The following PI4KA variants were observed in gnomAD, a reference collection of about 807,000 sequenced individuals.
The protein encoded by PI4KA is phosphatidylinositol 4-kinase alpha.
Under a neutral mutation model 271.4 loss-of-function variants are expected in PI4KA, and 122 were observed. The ratio of observed to expected loss-of-function variants is 0.45; its 90% CI spans 0.39 to 0.52. PI4KA has a LOEUF of 0.52. Among genes scored for constraint, PI4KA ranks in the 20% least tolerant of loss-of-function variants. PI4KA has a pLI of 0.00. For synonymous variants in PI4KA, 1,041 were observed against 1,078.8 expected (o/e 0.96, Z 0.69); for missense variants, 1,969 against 2,769.1 (o/e 0.71, Z 6.48).
chr22:20,846,084 C>A (rs1213247286), intron 1 of PI4KA, among the ~76,000 whole-genome samples: 2 of 151,488 alleles, frequency 1.3e-5, no homozygotes, highest in East Asian at 3.9e-4. Flanking sequence ...ACAGTGAAAC[C>A]CTGCCTCTAC....
rs1173716804 is a variant in PI4KA, at chr22:20,733,094, G to A, written c.4165C>T (p.Pro1389Ser). 3 of 1,611,982 alleles carry A rather than the reference G, an allele frequency of 1.9e-6. No individual in the cohort carries two copies. The highest frequency in any genetic ancestry group is 2.2e-5 in the East Asian group (1 of 44,884). ...TCTCCTTGAGTAGGGAACTTTGGGG[G>A]ACAGCTTCAAACAACCATAAGAGGA... ...YSTAFDYFSC[P>S]PKFPTQGEKR... is the part of the protein sequence containing the mutation. The change falls in exon 36 of 55, where the codon CCC becomes TCC. Residue 1389 changes from proline (P) to serine (S), a missense_variant. Physicochemically the swap from Pro to Ser is moderately conservative, Grantham distance 74. This residue lies in a region of PI4KA where 72 missense variants were observed against 103.1 expected (regional missense o/e 0.70). Coordinates refer to ENST00000255882, the MANE Select transcript of PI4KA (RefSeq NM_058004.4).
At position 20,740,161 on chromosome 22, in the gene PI4KA, G is replaced by C. The variant is rs1413576369; in HGVS notation, c.3741+2067C>G. On this transcript the variant is annotated intron_variant, in intron 32 of 54. Coordinates refer to ENST00000255882, the MANE Select transcript of PI4KA (RefSeq NM_058004.4). ...AAATTAAATATTTATTTTTTGTTTT[G>C]TTTTCTAGACCTGAGAATTGTATCT... Among the ~76,000 whole-genome samples, 3 of 132,016 alleles carry C rather than the reference G, an allele frequency of 2.3e-5. No individual in the cohort carries two copies. The South Asian group carries it at 7.8e-4, about 34-fold the overall frequency. 86.6% of individuals were successfully genotyped at this position (132,016 alleles called of 152,430 possible). A position where few individuals can be genotyped will look rare whatever the true frequency, so the allele number is the denominator to read the frequency against.
chr22:20,746,310 C>T (rs1055720181), intron 29 of PI4KA, among the ~76,000 whole-genome samples: 1 of 152,036 alleles, frequency 6.6e-6, no homozygotes, highest in Non-Finnish European at 1.5e-5. Flanking sequence ...GATCCGCCCG[C>T]CTTGGCCTCC....
intron 19 of PI4KA, among the ~76,000 whole-genome samples, chr22:20,776,370 G>T (rs190115554): frequency 6.6e-6 from 1 of 152,102 alleles, no homozygotes; most frequent in Admixed American, 6.5e-5. Flanking sequence ...CTGTTTTCCC[G>T]TGTGTAAACT....
rs535341796 is a variant in PI4KA, at chr22:20,820,013, G to C, written c.530-113C>G. On this transcript the variant is annotated intron_variant, in intron 5 of 54. Coordinates refer to ENST00000255882, the MANE Select transcript of PI4KA (RefSeq NM_058004.4). The stretch of plus-strand genomic sequence containing the variant: ...TTTCACAACCCACCCACTAATAACT[G>C]TGAAGGTTCACAATAAGCCACAATA... The C allele has an allele frequency of 5.3e-6, 5 of 950,358 alleles. No homozygotes were observed. In the Admixed American group the frequency reaches 1.1e-4, roughly 21 times the overall value. 58.9% of individuals were successfully genotyped at this position (950,358 alleles called of 1,614,324 possible).
chr22:20,855,110 C>T (rs2147836275), intron 1 of PI4KA, among the ~76,000 whole-genome samples: 1 of 150,646 alleles, frequency 6.6e-6, no homozygotes, highest in Admixed American at 6.6e-5. Flanking sequence ...CGAGATCATG[C>T]CACTGCACTC....
intron 3 of PI4KA, among the ~76,000 whole-genome samples, chr22:20,828,201 A>C (rs754181090): frequency 1.3e-5 from 2 of 152,146 alleles, no homozygotes; most frequent in Admixed American, 6.6e-5. Flanking sequence ...TTGTACATTG[A>C]TTTTGTATCC....
rs1432530451 is a variant in PI4KA at position 20,811,619 on chromosome 22, A to AAAC, written c.1006-588_1006-587insGTT. Among the ~76,000 whole-genome samples, 6 of 152,060 alleles carry AAAC rather than the reference A, an allele frequency of 3.9e-5. No homozygotes were observed. In the East Asian group the frequency reaches 1.2e-3, roughly 29 times the overall value. On this transcript the variant is annotated intron_variant, in intron 8 of 54. Transcript: ENST00000255882. ...AACTGCAGAACCACAAAAAAAAAAAAAAAACTGCCCACATCCACAATTGTA... is the reference window on the plus strand; with the variant it reads ...AACTGCAGAACCACAAAAAAAAAAAAAACAAAACTGCCCACATCCACAATTGTA...
At chr22:20,802,173 C>A in intron 13 of PI4KA, 68 bp from the exon 14 acceptor site, 2 of 1,431,372 alleles carry the variant, frequency 1.4e-6, no homozygotes, top group Non-Finnish European at 1.9e-6. Context: ...CTTTGTAATT[C>A]AAAAACCAAG....
intron 3 of PI4KA, among the ~76,000 whole-genome samples, chr22:20,831,574 CAAACAA>C (rs927741986): frequency 0.012 from 1,724 of 143,028 alleles, 25 homozygotes; most frequent in African/African-American, 0.031. Flanking sequence ...TCTCAAAACA[CAAACAA>C]AAACAAAAAC....
intron 19 of PI4KA, among the ~76,000 whole-genome samples, chr22:20,788,095 T>G (rs1934387047): frequency 1.3e-5 from 2 of 152,220 alleles, no homozygotes; most frequent in Non-Finnish European, 2.9e-5. Flanking sequence ...ACAGAGGCTG[T>G]TCAGCACGCA....
chr22:20,829,581 T>TG (rs1923888332), intron 3 of PI4KA, among the ~76,000 whole-genome samples: 4 of 126,496 alleles, frequency 3.2e-5, no homozygotes, highest in Admixed American at 1.7e-4. Flanking sequence ...TAGCTAGTGA[T>TG]CTTTTTTTTT....
chr22:20,794,104 T>C (rs1934824254), intron 18 of PI4KA, among the ~76,000 whole-genome samples: 1 of 152,190 alleles, frequency 6.6e-6, no homozygotes, highest in African/African-American at 2.4e-5. Context: ...TCACAAAAAT[T>C]TTTTTGAAAA....
At position 20,818,562 on chromosome 22, in the gene PI4KA, A is replaced by AC. The variant is rs1465937092; in HGVS notation, c.790-14dup. 2.0e-6 allele frequency: 3 copies of AC among 1,527,328 alleles called. No individual in the cohort carries two copies. The highest frequency in any genetic ancestry group is 2.6e-6 in the Non-Finnish European group (3 of 1,147,312). The allele number at this position is 1,527,328 out of a possible 1,614,324, so 94.6% of individuals were successfully genotyped here. A position where few individuals can be genotyped will look rare whatever the true frequency, so the allele number is the denominator to read the frequency against. ...GTTCAGGGCTGACCTGAAACACACA[A>AC]CCACAGTTACATATCAGAAAAGACC... On this transcript the variant is annotated splice_polypyrimidine_tract_variant and intron_variant, in intron 6 of 54. Transcript: ENST00000255882.
rs1377189755 is a variant in PI4KA at position 20,712,733 on chromosome 22, A to T, written c.5636T>A (p.Leu1879His). 1 of 1,551,294 alleles carries T rather than the reference A, an allele frequency of 6.4e-7. No homozygotes were observed. The highest frequency in any genetic ancestry group is 1.2e-5 in the South Asian group (1 of 84,146). ...KNIFQLVGLDLFVFPYRVVAT... is the reference protein window; with the variant it reads ...KNIFQLVGLDHFVFPYRVVAT... ...CACCACGCGGTAGGGAAAAACAAAG[A>T]GGTCCAGGCCGACCAGCTGGAAGAT... is the stretch of plus-strand genomic sequence containing the variant. Residue 1879 changes from leucine (L) to histidine (H), a missense_variant, in exon 49 of 55, where the codon CTC becomes CAC. Transcript: ENST00000255882.
intron 1 of PI4KA, among the ~76,000 whole-genome samples, chr22:20,850,735 C>T (rs1053103663): frequency 2.0e-5 from 3 of 151,984 alleles, no homozygotes; most frequent in African/African-American, 7.2e-5. Flanking sequence ...CCGCGCCCGG[C>T]CTACTAAAAT....
chr22:20,826,348 G>T (rs964541956), intron 3 of PI4KA, among the ~76,000 whole-genome samples: 3 of 151,922 alleles, frequency 2.0e-5, no homozygotes, highest in Admixed American at 1.3e-4. Flanking sequence ...CTCAAAAAAA[G>T]ATAAAATAAA....
At chr22:20,807,591 C>G in intron 9 of PI4KA, 133 bp from the exon 10 acceptor site, 1 of 622,188 alleles carries the variant, frequency 1.6e-6, no homozygotes. Context: ...TTTATCATGA[C>G]TCATCACTTG....
chr22:20,780,286 T>G lies in PI4KA; in HGVS notation c.2328+12907A>C, dbSNP rs368576793. ...GTAGATTGAATGCCAAGAACTGTAC[T>G]GTAGCTATAATTTATCCAGGAAAAC... is the stretch of plus-strand genomic sequence containing the variant. On this transcript the variant is annotated intron_variant, in intron 19 of 54. Coordinates refer to ENST00000255882, the MANE Select transcript of PI4KA (RefSeq NM_058004.4). 7.6e-4 allele frequency: 1,208 copies of G among 1,587,284 alleles called. 18 individuals are homozygous for G. The South Asian group carries it at 0.013, about 17-fold the overall frequency.
Sources: allele counts gnomAD v4.1 joint callset (sites outside exome capture counted in the v4.1 genomes callset), GRCh38; gene constraint gnomAD v4.1.1; regional missense constraint gnomAD v4.1.1; transcripts MANE v1.5; gene names NCBI Gene and HGNC (gene_info 2026-07-23, HGNC 2026-07-21).